NPSR1: variants seen among roughly 807,000 people sequenced by gnomAD.
NPSR1 encodes the protein neuropeptide S receptor.
NPSR1 carries 48 observed loss-of-function variants against 46.9 expected under a neutral mutation model. The observed-to-expected ratio is 1.02, with a 90% CI of 0.81 to 1.30. NPSR1 has a LOEUF of 1.30. Ranked by LOEUF, NPSR1 falls within the 50% of genes most tolerant of loss-of-function variation. NPSR1 has a pLI of 0.00. For missense variants in NPSR1, 450 were observed against 449.5 expected, an observed-to-expected ratio of 1.00 and a Z score of -0.01; for synonymous variants, 176 against 168.1, an observed-to-expected ratio of 1.05 and a Z score of -0.36.
Position 34,678,720 on chromosome 7 carries a change from G to A in NPSR1, c.148-5832G>A, listed in dbSNP as rs919989496. ...GGTTGCCTGCAGTCCCATCTACTCG[G>A]GAGGCTGAGGCAGGAGAATGGCGTG... On this transcript the variant is annotated intron_variant, in intron 1 of 8. Coordinates refer to ENST00000360581, the MANE Select transcript of NPSR1 (RefSeq NM_207172.2). Among the ~76,000 whole-genome samples, 118 of 151,880 alleles carry A rather than the reference G, an allele frequency of 7.8e-4. 1 individual carries two copies. Among genetic ancestry groups the A allele is most frequent in the African/African-American group, 2.8e-3 (114 of 41,338 alleles).
intron 2 of NPSR1, among the ~76,000 whole-genome samples, chr7:34,741,967 T>A (rs540453772): frequency 6.6e-6 from 1 of 152,360 alleles, no homozygotes; most frequent in East Asian, 1.9e-4. Context: ...TTGCTGGATG[T>A]ATGGAACCTT....
chr7:34,721,050 A>C (rs1054490381), intron 2 of NPSR1, among the ~76,000 whole-genome samples: 2 of 152,204 alleles, frequency 1.3e-5, no homozygotes, highest in African/African-American at 4.8e-5. Context: ...GAAATGTTTT[A>C]CTGTCATGCA....
At chr7:34,746,701 A>G (rs1785221307) in intron 2 of NPSR1, among the ~76,000 whole-genome samples, 2 of 152,224 alleles carry the variant, frequency 1.3e-5, no homozygotes, top group African/African-American at 4.8e-5. Context: ...GAAATGAGAA[A>G]AACAAAGTAG....
chr7:34,845,130 A>G, intron 7 of NPSR1, 148 bp downstream of exon 7: 1 of 663,254 alleles, frequency 1.5e-6, no homozygotes, highest in South Asian at 1.7e-5. Context: ...TCATCAGCCC[A>G]TTCATGGTTC....
In NPSR1 at chr7:34,822,863, C is replaced by G. The variant is rs545991439; in HGVS notation, c.479-4538C>G. 2.0e-5 allele frequency among the ~76,000 whole-genome samples: 3 copies of G among 151,972 alleles called. No homozygotes were observed. The South Asian group carries it at 6.2e-4, about 32-fold the overall frequency. On this transcript the variant is annotated intron_variant, in intron 4 of 8. Coordinates refer to ENST00000360581, the MANE Select transcript of NPSR1 (RefSeq NM_207172.2). ...GGAAAGGCCTTTCCAGGAACCATAT[C>G]AAAAGCAGAAGCAAGAAGGAAAATA...
chr7:34,785,373 C>G (rs1283742767), intron 3 of NPSR1, among the ~76,000 whole-genome samples: 1 of 110,954 alleles, frequency 9.0e-6, no homozygotes, highest in Middle Eastern at 8.9e-3. Flanking sequence ...ACACTCTGGG[C>G]ACTGTTGTGG....
intron 2 of NPSR1, among the ~76,000 whole-genome samples, chr7:34,775,634 TC>T (rs1786919634): frequency 1.3e-5 from 2 of 152,146 alleles, no homozygotes; most frequent in Non-Finnish European, 2.9e-5. Context: ...TCTTTATTAG[TC>T]TGGCTAAAGG....
chr7:34,703,088 G>A (rs1450549569), intron 2 of NPSR1, among the ~76,000 whole-genome samples: 1 of 152,174 alleles, frequency 6.6e-6, no homozygotes, highest in Non-Finnish European at 1.5e-5. Context: ...GGCCAGGCGC[G>A]GTGGCTCATG....
chr7:34,766,020 A>C (rs1276779877), intron 2 of NPSR1, among the ~76,000 whole-genome samples: 1 of 152,178 alleles, frequency 6.6e-6, no homozygotes, highest in Non-Finnish European at 1.5e-5. Context: ...CTGCACATGT[A>C]CCCCCTGAAT....
chr7:34,826,910 G>A (rs1209101115), intron 4 of NPSR1, among the ~76,000 whole-genome samples: 2 of 149,358 alleles, frequency 1.3e-5, no homozygotes, highest in Non-Finnish European at 3.0e-5. Flanking sequence ...AAAGAAAGAA[G>A]TTTCCTTCCC....
In NPSR1 at chr7:34,849,886, A is replaced by G. The variant is rs1790884175; in HGVS notation, c.*231A>G. 12 of 1,295,464 alleles carry G rather than the reference A, an allele frequency of 9.3e-6. No homozygotes were observed. The South Asian group carries it at 1.8e-4, about 19-fold the overall frequency. 80.2% of individuals were successfully genotyped at this position (1,295,464 alleles called of 1,614,324 possible). On this transcript the variant is annotated 3_prime_UTR_variant, in exon 9 of 9. Transcript: ENST00000360581. ...GAAGGAAACGCCTTCCTTCCCCACC[A>G]TTCCCAGCCCTCCTTCCCACTGGCC...
intron 2 of NPSR1, among the ~76,000 whole-genome samples, chr7:34,731,470 G>A (rs903993512): frequency 5.9e-5 from 9 of 151,822 alleles, no homozygotes; most frequent in Admixed American, 2.6e-4. Flanking sequence ...ACCTAAAATG[G>A]TATCAATGAA....
intron 2 of NPSR1, among the ~76,000 whole-genome samples, chr7:34,714,610 C>T (rs2128704126): frequency 6.6e-6 from 1 of 152,268 alleles, no homozygotes; most frequent in South Asian, 2.1e-4. Context: ...GGAAGATAAA[C>T]TTGAGGAGAA....
chr7:34,765,846 A>G (rs1786402736), intron 2 of NPSR1, among the ~76,000 whole-genome samples: 1 of 152,198 alleles, frequency 6.6e-6, no homozygotes, highest in African/African-American at 2.4e-5. Context: ...TGGGAGTTAA[A>G]CCTTGGATAC....
chr7:34,715,570 T>G (rs556573749), intron 2 of NPSR1, among the ~76,000 whole-genome samples: 1 of 152,344 alleles, frequency 6.6e-6, no homozygotes, highest in African/African-American at 2.4e-5. Context: ...AGGGACTATG[T>G]CACTCCCAGA....
chr7:34,780,513 C>A (rs537515547), intron 3 of NPSR1, among the ~76,000 whole-genome samples: 4 of 152,196 alleles, frequency 2.6e-5, no homozygotes, highest in African/African-American at 9.6e-5. Context: ...CAAAAAATAT[C>A]AGAATCAAAT....
chr7:34,801,905 T>C (rs1415325674), intron 3 of NPSR1, among the ~76,000 whole-genome samples: 2 of 149,896 alleles, frequency 1.3e-5, no homozygotes, highest in Non-Finnish European at 2.9e-5. Context: ...ATCACAAGCA[T>C]TCTTATACAC....
At chr7:34,847,078 A>C (rs1435197884) in intron 7 of NPSR1, among the ~76,000 whole-genome samples, 1 of 152,162 alleles carries the variant, frequency 6.6e-6, no homozygotes, top group Non-Finnish European at 1.5e-5. Flanking sequence ...GATCCAGAAC[A>C]CTTAGTGGGT....
chr7:34,748,218 G>A (rs1455307440), intron 2 of NPSR1, among the ~76,000 whole-genome samples: 1 of 152,222 alleles, frequency 6.6e-6, no homozygotes, highest in Non-Finnish European at 1.5e-5. Context: ...TACTGGGAGT[G>A]TTAGCCTGGT....
Sources: allele counts gnomAD v4.1 joint callset (sites outside exome capture counted in the v4.1 genomes callset), GRCh38; gene constraint gnomAD v4.1.1; transcripts MANE v1.5; gene names NCBI Gene and HGNC (gene_info 2026-07-23, HGNC 2026-07-21).